MED13L: variants seen among roughly 807,000 people sequenced by gnomAD.
MED13L encodes the protein mediator of RNA polymerase II transcription subunit 13-like.
MED13L carries 7 observed loss-of-function variants against 220.9 expected under a neutral mutation model. The ratio of observed to expected loss-of-function variants is 0.03; its 90% CI spans 0.02 to 0.06. MED13L has a LOEUF of 0.06. Ranked by LOEUF, MED13L falls within the 10% of genes least tolerant of loss-of-function variation. The pLI is 1.00. For synonymous variants in MED13L, 1,011 were observed against 1,015.2 expected, an observed-to-expected ratio of 1.00 and a Z score of 0.08; for missense variants, 1,965 against 2,760.5, an observed-to-expected ratio of 0.71 and a Z score of 6.46.
At chr12:115,984,741 A>C (rs1011708549) in intron 19 of MED13L, among the ~76,000 whole-genome samples, 4 of 152,212 alleles carry the variant, frequency 2.6e-5, no homozygotes, top group Non-Finnish European at 2.9e-5. Flanking sequence ...AAATCTCCTA[A>C]GTAATCCCTA....
At chr12:116,114,666 C>T (rs1208600069) in intron 2 of MED13L, among the ~76,000 whole-genome samples, 1 of 152,110 alleles carries the variant, frequency 6.6e-6, no homozygotes, top group Non-Finnish European at 1.5e-5. Context: ...AAGAAATAAT[C>T]GTCTCTATTT....
intron 1 of MED13L, among the ~76,000 whole-genome samples, chr12:116,273,357 T>G (rs1185174422): frequency 6.6e-6 from 1 of 151,994 alleles, no homozygotes; most frequent in Non-Finnish European, 1.5e-5. Context: ...AAAAAATGCT[T>G]TAAACATAAA....
chr12:116,067,290 C>A (rs1593005380), intron 4 of MED13L, among the ~76,000 whole-genome samples: 1 of 152,104 alleles, frequency 6.6e-6, no homozygotes, highest in South Asian at 2.1e-4. Context: ...CAACTGTAGA[C>A]ATATTAGAAC....
At chr12:116,156,432 G>A (rs1434796636) in intron 2 of MED13L, among the ~76,000 whole-genome samples, 2 of 140,560 alleles carry the variant, frequency 1.4e-5, no homozygotes, top group African/African-American at 5.2e-5. Context: ...AACTTTTATA[G>A]TCCAAAATGA....
intron 1 of MED13L, chr12:116,276,770 G>A: frequency 7.7e-7 from 1 of 1,301,270 alleles, no homozygotes; most frequent in Admixed American, 3.2e-5. Context: ...ACAGAGGGTG[G>A]GCGTTCGAAG....
intron 2 of MED13L, among the ~76,000 whole-genome samples, chr12:116,206,751 G>A (rs970294933): frequency 6.6e-6 from 1 of 151,974 alleles, no homozygotes; most frequent in Non-Finnish European, 1.5e-5. Flanking sequence ...AAGATAAAAC[G>A]CTAAAATAAT....
At chr12:116,097,231 C>T (rs1294994682) in intron 3 of MED13L, among the ~76,000 whole-genome samples, 2 of 152,084 alleles carry the variant, frequency 1.3e-5, no homozygotes, top group East Asian at 3.9e-4. Context: ...CTGCAGCCGC[C>T]ACCCCCCAGG....
chr12:115,983,611 T>G, intron 20 of MED13L, 71 bp from the exon 21 acceptor site: 1 of 1,511,534 alleles, frequency 6.6e-7, no homozygotes, highest in Non-Finnish European at 9.1e-7. Flanking sequence ...GAATCTAGAA[T>G]GGTCACTTGT....
intron 27 of MED13L, among the ~76,000 whole-genome samples, chr12:115,969,931 C>T (rs1876464883): frequency 6.6e-6 from 1 of 152,078 alleles, no homozygotes; most frequent in South Asian, 2.1e-4. Flanking sequence ...ACCTAGAACC[C>T]AATCACCATG....
At chr12:116,256,857 T>A (rs1371501625) in intron 1 of MED13L, among the ~76,000 whole-genome samples, 1 of 151,994 alleles carries the variant, frequency 6.6e-6, no homozygotes, top group Non-Finnish European at 1.5e-5. Context: ...AGCTAATTTT[T>A]GTATTTTTAG....
intron 2 of MED13L, among the ~76,000 whole-genome samples, chr12:116,122,805 A>G (rs919938606): frequency 6.6e-6 from 1 of 152,162 alleles, no homozygotes; most frequent in Non-Finnish European, 1.5e-5. Context: ...CAGTTGAGAC[A>G]CGACCCAAGT....
rs146556130 is a variant in MED13L, at chr12:116,216,098, G to A, written c.310+21370C>T. ...GCTATGATCTATACTTGTCCACTGC[G>A]TCTCTGCTCTTGTGACACTTTTACT... is the stretch of plus-strand genomic sequence containing the variant. On this transcript the variant is annotated intron_variant, in intron 2 of 30. Coordinates refer to ENST00000281928, the MANE Select transcript of MED13L (RefSeq NM_015335.5). 2.9e-3 allele frequency among the ~76,000 whole-genome samples: 446 copies of A among 152,218 alleles called. 1 individual carries two copies. Among genetic ancestry groups the A allele is most frequent in the Non-Finnish European group, 4.8e-3 (326 of 67,998 alleles).
At chr12:116,072,012 T>A (rs1012973814) in intron 4 of MED13L, among the ~76,000 whole-genome samples, 1 of 152,226 alleles carries the variant, frequency 6.6e-6, no homozygotes, top group East Asian at 1.9e-4. Context: ...TTTATTCACA[T>A]TGGATGTTGC....
intron 5 of MED13L, among the ~76,000 whole-genome samples, chr12:116,020,989 T>A (rs776560895): frequency 6.6e-6 from 1 of 152,072 alleles, no homozygotes; most frequent in Non-Finnish European, 1.5e-5. Context: ...ATGATCCAAA[T>A]GGGATAAAAA....
intron 4 of MED13L, among the ~76,000 whole-genome samples, chr12:116,072,056 G>A (rs184102558): frequency 6.6e-5 from 10 of 152,264 alleles, no homozygotes; most frequent in Admixed American, 2.6e-4. Flanking sequence ...GCAACTTCCC[G>A]CATTTGTAAA....
chr12:116,116,847 G>T (rs1435944263), intron 2 of MED13L, among the ~76,000 whole-genome samples: 1 of 151,492 alleles, frequency 6.6e-6, no homozygotes, highest in African/African-American at 2.4e-5. Context: ...TCACAGAAGT[G>T]TTTTGTGTTG....
intron 1 of MED13L, among the ~76,000 whole-genome samples, chr12:116,274,047 G>T (rs1379147379): frequency 1.3e-5 from 2 of 152,180 alleles, no homozygotes; most frequent in African/African-American, 4.8e-5. Context: ...GAAAGGCACA[G>T]GCAGGCATGC....
At chr12:116,137,962 T>G (rs1322690405) in intron 2 of MED13L, among the ~76,000 whole-genome samples, 1 of 149,502 alleles carries the variant, frequency 6.7e-6, no homozygotes, top group Non-Finnish European at 1.5e-5. Context: ...GTTCAAGCAA[T>G]TCTCCTGCCT....
intron 1 of MED13L, among the ~76,000 whole-genome samples, chr12:116,253,505 C>T (rs1213191307): frequency 4.6e-5 from 7 of 151,934 alleles, no homozygotes; most frequent in African/African-American, 1.7e-4. Flanking sequence ...AAGAAATGTA[C>T]ACGCCAATAT....
Sources: allele counts gnomAD v4.1 joint callset (sites outside exome capture counted in the v4.1 genomes callset), GRCh38; gene constraint gnomAD v4.1.1; transcripts MANE v1.5; gene names NCBI Gene and HGNC (gene_info 2026-07-23, HGNC 2026-07-21).